KIF5C: variants seen among roughly 807,000 people sequenced by gnomAD.
The protein encoded by KIF5C is kinesin heavy chain isoform 5C.
Under a neutral mutation model 125.2 loss-of-function variants are expected in KIF5C, and 18 were observed. That is an observed-to-expected ratio of 0.14 (90% CI 0.10 to 0.21). The LOEUF (loss-of-function observed/expected upper bound fraction) is 0.21, where lower values mean the gene tolerates loss of function less well. KIF5C is among the 10% of genes least tolerant of loss of function. KIF5C has a pLI of 1.00. For missense variants in KIF5C, 780 were observed against 1,183.8 expected (o/e 0.66, Z 5.01); for synonymous variants, 405 against 434.0 (o/e 0.93, Z 0.83).
At chr2:148,936,184 G>A (rs893796850) in intron 3 of KIF5C, among the ~76,000 whole-genome samples, 2 of 152,134 alleles carry the variant, frequency 1.3e-5, no homozygotes, top group East Asian at 3.9e-4. Flanking sequence ...CAGCTACTAG[G>A]GAAGCTGAGG....
chr2:148,976,856 T>G (rs1342941353), intron 12 of KIF5C, among the ~76,000 whole-genome samples: 16 of 152,170 alleles, frequency 1.1e-4, no homozygotes, highest in Admixed American at 1.0e-3. Context: ...GCTGGGATTA[T>G]AGGCGTGAGC....
intron 4 of KIF5C, 78 bp downstream of exon 4, chr2:148,937,466 A>G: frequency 6.7e-7 from 1 of 1,483,116 alleles, no homozygotes; most frequent in Non-Finnish European, 9.0e-7. Context: ...TTTCAAGAAG[A>G]TATAAAAGAT....
At chr2:148,997,713 T>C (rs928635012) in intron 18 of KIF5C, 1 of 213,448 alleles carries the variant, frequency 4.7e-6, no homozygotes, top group African/African-American at 2.3e-5. Flanking sequence ...ATCTCAAACA[T>C]AGAGATTTTT....
Position 148,875,575 on chromosome 2 carries a change from G to GGGGCCCCCC in KIF5C, c.-43_-42insGGGCCCCCC. ...TCCTCCCTCGTCGTTCCCGGCCCCG[G>GGGGCCCCCC]CCCCCCACCCATCCCCGTGCCCCCT... On this transcript the variant is annotated 5_prime_UTR_variant, in exon 1 of 26. Coordinates refer to ENST00000435030, the MANE Select transcript of KIF5C (RefSeq NM_004522.3). The GGGGCCCCCC allele has an allele frequency of 1.4e-6, 1 of 699,606 alleles. No homozygotes were observed. The highest frequency in any genetic ancestry group is 2.6e-6 in the Non-Finnish European group (1 of 389,230). 43.3% of individuals were successfully genotyped at this position (699,606 alleles called of 1,614,324 possible).
chr2:148,886,675 A>G (rs894859594), intron 1 of KIF5C, among the ~76,000 whole-genome samples: 1 of 152,126 alleles, frequency 6.6e-6, no homozygotes, highest in African/African-American at 2.4e-5. Flanking sequence ...CTAACTACTA[A>G]TTGTTTGTTT....
chr2:148,974,713 G>A (rs1459579972), intron 12 of KIF5C, among the ~76,000 whole-genome samples: 1 of 152,174 alleles, frequency 6.6e-6, no homozygotes, highest in Non-Finnish European at 1.5e-5. Context: ...TTTCTCCAAG[G>A]AATTGCTATT....
intron 19 of KIF5C, 87 bp from the exon 20 acceptor site, chr2:149,000,336 A>G: frequency 6.8e-7 from 1 of 1,479,388 alleles, no homozygotes; most frequent in Non-Finnish European, 9.2e-7. Context: ...CAGAGCTAAT[A>G]GGGTTGGAAC....
In KIF5C at chr2:149,007,986, T is replaced by C; in HGVS notation, c.2469T>C (p.Asp823=). The change falls in exon 23 of 26, where the codon GAT becomes GAC. Residue 823 remains aspartate (D), a synonymous_variant. Transcript: ENST00000435030. ...VKKSVELDND[D]GGGSAAQKQK... ...AGAGTGTGGAGTTGGACAACGATGA[T>C]GGAGGGGGCAGTGCTGCCCAGAAGC... 1 of 1,609,046 alleles carries C rather than the reference T, an allele frequency of 6.2e-7. No homozygotes were observed.
At chr2:148,949,551 C>A (rs1327796475) in intron 8 of KIF5C, among the ~76,000 whole-genome samples, 1 of 152,178 alleles carries the variant, frequency 6.6e-6, no homozygotes, top group Admixed American at 6.5e-5. Context: ...ACTTCTGGAG[C>A]CTGGTTTCCC....
intron 14 of KIF5C, among the ~76,000 whole-genome samples, chr2:148,982,782 T>A (rs1355960754): frequency 6.6e-6 from 1 of 152,246 alleles, no homozygotes; most frequent in Non-Finnish European, 1.5e-5. Context: ...GAAACATTTT[T>A]CATAATACAG....
At chr2:148,909,816 G>A (rs1346326375) in intron 1 of KIF5C, among the ~76,000 whole-genome samples, 1 of 152,206 alleles carries the variant, frequency 6.6e-6, no homozygotes, top group Non-Finnish European at 1.5e-5. Flanking sequence ...ATCTGTGATC[G>A]AGAGTCTTTA....
rs930916799 is a variant in KIF5C, at chr2:149,026,283, T to G, written c.*3213T>G. 3.3e-5 allele frequency: 5 copies of G among 152,228 alleles called. No individual in the cohort carries two copies. Among genetic ancestry groups the G allele is most frequent in the Non-Finnish European group, 7.3e-5 (5 of 68,032 alleles). 9.4% of individuals were successfully genotyped at this position (152,228 alleles called of 1,614,324 possible). ...TTCATTTAACACTAACAATTTAGACTTTTTAAACCAAGCATTGAATAATGG... is the reference window on the plus strand; with the variant it reads ...TTCATTTAACACTAACAATTTAGACGTTTTAAACCAAGCATTGAATAATGG... On this transcript the variant is annotated 3_prime_UTR_variant, in exon 26 of 26. Transcript: ENST00000435030.
chr2:148,956,151 T>C (rs541642595), intron 10 of KIF5C, among the ~76,000 whole-genome samples: 95 of 152,260 alleles, frequency 6.2e-4, no homozygotes, highest in Middle Eastern at 3.4e-3. Context: ...AAGTGCCAAC[T>C]TACGAGGGTG....
At chr2:148,943,968 A>G (rs1441303402) in intron 7 of KIF5C, among the ~76,000 whole-genome samples, 2 of 152,236 alleles carry the variant, frequency 1.3e-5, no homozygotes, top group East Asian at 3.8e-4. Context: ...TACCTGAAAG[A>G]ATGTAAGACA....
At chr2:149,013,723 T>A (rs1166877691) in intron 25 of KIF5C, among the ~76,000 whole-genome samples, 2 of 152,048 alleles carry the variant, frequency 1.3e-5, no homozygotes, top group Admixed American at 6.5e-5. Flanking sequence ...GGTCCAGAGA[T>A]TGTGCAGTGG....
intron 21 of KIF5C, among the ~76,000 whole-genome samples, chr2:149,000,999 CT>C (rs762372082): frequency 6.9e-4 from 105 of 152,306 alleles, no homozygotes; most frequent in Admixed American, 3.9e-4. Flanking sequence ...CCTGGAGCCC[CT>C]GAGTGAGGAT....
chr2:148,994,772 A>T (rs746061928), intron 17 of KIF5C, among the ~76,000 whole-genome samples: 1 of 151,204 alleles, frequency 6.6e-6, no homozygotes. Flanking sequence ...GCATAATCTC[A>T]GTTCACTGCA....
intron 15 of KIF5C, among the ~76,000 whole-genome samples, chr2:148,987,064 C>G (rs1681398190): frequency 6.6e-6 from 1 of 152,148 alleles, no homozygotes; most frequent in Non-Finnish European, 1.5e-5. Flanking sequence ...AGGGTGGCCA[C>G]TCTTACAGGT....
At position 148,949,937 on chromosome 2, in the gene KIF5C, A is replaced by G. The variant is rs762736732; in HGVS notation, c.813A>G (p.Glu271=). Residue 271 remains glutamate, a synonymous_variant, in exon 9 of 26, where the codon GAA becomes GAG. Transcript: ENST00000435030. ...ALGNVISALA[E]GTKTHVPYRD... ...GAAATGTGATCTCTGCTTTGGCAGA[A>G]GGGACAGTAAGTGATCCTGCCCCCA... 1.9e-6 allele frequency: 3 copies of G among 1,613,190 alleles called. No homozygotes were observed. The highest frequency in any genetic ancestry group is 4.5e-5 in the East Asian group (2 of 44,886).
Sources: allele counts gnomAD v4.1 joint callset (sites outside exome capture counted in the v4.1 genomes callset), GRCh38; gene constraint gnomAD v4.1.1; transcripts MANE v1.5; gene names NCBI Gene and HGNC (gene_info 2026-07-23, HGNC 2026-07-21).